The following ATP10A variants were observed in gnomAD, a reference collection of about 807,000 sequenced individuals.
ATP10A encodes the protein ATPase phospholipid transporting 10A (putative).
Under a neutral mutation model 147.8 loss-of-function variants are expected in ATP10A, and 111 were observed. That is an observed-to-expected ratio of 0.75 (90% CI 0.64 to 0.88). The LOEUF (loss-of-function observed/expected upper bound fraction) is 0.88. ATP10A is among the 40% of genes least tolerant of loss of function. The probability of loss-of-function intolerance (pLI) is 0.00; values close to 1 mark genes in which losing one functional copy is unlikely to be tolerated. For synonymous variants in ATP10A, 875 were observed against 841.6 expected, an observed-to-expected ratio of 1.04 and a Z score of -0.69; for missense variants, 1,927 against 1,959.0, an observed-to-expected ratio of 0.98 and a Z score of 0.31.
intron 1 of ATP10A, among the ~76,000 whole-genome samples, chr15:25,803,267 T>G (rs1040799769): frequency 3.9e-5 from 6 of 152,202 alleles, no homozygotes; most frequent in Non-Finnish European, 7.3e-5. Flanking sequence ...GAATGATGCT[T>G]CGCCCACTGG....
chr15:25,725,643 T>A (rs1369833553), intron 5 of ATP10A, among the ~76,000 whole-genome samples: 1 of 151,788 alleles, frequency 6.6e-6, no homozygotes, highest in African/African-American at 2.4e-5. Flanking sequence ...TCTTTCTTTT[T>A]TTTTTTTTGG....
At chr15:25,705,122 T>C (rs1376166910) in intron 12 of ATP10A, among the ~76,000 whole-genome samples, 1 of 152,138 alleles carries the variant, frequency 6.6e-6, no homozygotes, top group Non-Finnish European at 1.5e-5. Flanking sequence ...AAGATAGTTA[T>C]GTATGGTTCT....
chr15:25,710,540 A>C (rs1596730837), intron 10 of ATP10A: 1 of 152,122 alleles, frequency 6.6e-6, no homozygotes, highest in African/African-American at 2.4e-5. Context: ...CAGAGGGATG[A>C]GGGTAGCCTC....
At chr15:25,855,281 C>T (rs775168133) in intron 1 of ATP10A, among the ~76,000 whole-genome samples, 18 of 152,000 alleles carry the variant, frequency 1.2e-4, no homozygotes, top group Non-Finnish European at 2.2e-4. Flanking sequence ...GATTGTACAC[C>T]ATGACCAAGT....
intron 2 of ATP10A, among the ~76,000 whole-genome samples, chr15:25,738,066 G>C (rs1313482854): frequency 6.6e-6 from 1 of 152,126 alleles, no homozygotes; most frequent in East Asian, 1.9e-4. Flanking sequence ...CATTTAAAAA[G>C]CATTTCATAT....
intron 1 of ATP10A, among the ~76,000 whole-genome samples, chr15:25,808,050 T>A (rs1891274603): frequency 6.6e-6 from 1 of 152,240 alleles, no homozygotes; most frequent in African/African-American, 2.4e-5. Context: ...CACGTATCAC[T>A]GGCTGATAGA....
intron 1 of ATP10A, among the ~76,000 whole-genome samples, chr15:25,787,680 A>G (rs1435063373): frequency 6.6e-6 from 1 of 152,090 alleles, no homozygotes; most frequent in Non-Finnish European, 1.5e-5. Context: ...AAAGGCAGAC[A>G]GTTCCAGATT....
intron 1 of ATP10A, among the ~76,000 whole-genome samples, chr15:25,859,190 TC>T (rs1893647239): frequency 6.6e-6 from 1 of 152,134 alleles, no homozygotes; most frequent in Non-Finnish European, 1.5e-5. Flanking sequence ...CCTCTCCTCC[TC>T]CAGCCCTGCC....
At chr15:25,852,712 G>A (rs1288695703) in intron 1 of ATP10A, among the ~76,000 whole-genome samples, 1 of 152,154 alleles carries the variant, frequency 6.6e-6, no homozygotes, top group African/African-American at 2.4e-5. Context: ...CTGTTATGCA[G>A]GCCTCAAAGA....
chr15:25,785,689 A>C (rs1182904103), intron 1 of ATP10A, among the ~76,000 whole-genome samples: 1 of 152,156 alleles, frequency 6.6e-6, no homozygotes, highest in Non-Finnish European at 1.5e-5. Context: ...CAACACTCTT[A>C]ATACCAGCCA....
chr15:25,723,138 C>T (rs1383514498), intron 6 of ATP10A, among the ~76,000 whole-genome samples: 1 of 152,044 alleles, frequency 6.6e-6, no homozygotes, highest in African/African-American at 2.4e-5. Flanking sequence ...CACTTGAGGT[C>T]AGGAGTTCAA....
intron 1 of ATP10A, among the ~76,000 whole-genome samples, chr15:25,855,721 A>G (rs1309420452): frequency 6.6e-6 from 1 of 152,210 alleles, no homozygotes; most frequent in African/African-American, 2.4e-5. Flanking sequence ...CAAGAAAAAG[A>G]AATGTAAGGT....
intron 1 of ATP10A, among the ~76,000 whole-genome samples, chr15:25,816,977 A>G (rs2140834660): frequency 1.6e-5 from 1 of 63,450 alleles, no homozygotes. Context: ...AATGTGTAGG[A>G]AAAAAAAATC....
downstream of ATP10A, among the ~76,000 whole-genome samples, chr15:25,676,154 CA>C (rs1346480722): frequency 1.3e-5 from 2 of 152,192 alleles, no homozygotes; most frequent in African/African-American, 4.8e-5. Context: ...CAGGTCCAAA[CA>C]GGTGCATTTT....
intron 7 of ATP10A, 115 bp downstream of exon 7, chr15:25,721,542 G>T: frequency 9.8e-7 from 1 of 1,021,130 alleles, no homozygotes; most frequent in Non-Finnish European, 1.4e-6. Context: ...AATCCCTGAA[G>T]CGTGTGTGTG....
At chr15:25,715,987 G>A (rs987181215) in intron 9 of ATP10A, among the ~76,000 whole-genome samples, 3 of 152,210 alleles carry the variant, frequency 2.0e-5, no homozygotes, top group African/African-American at 7.2e-5. Context: ...GGTGATAGAG[G>A]AGCTTTCACA....
intron 1 of ATP10A, among the ~76,000 whole-genome samples, chr15:25,805,928 A>G (rs374231984): frequency 2.6e-5 from 4 of 152,250 alleles, no homozygotes; most frequent in African/African-American, 7.2e-5. Flanking sequence ...TACCTTAATG[A>G]TTATAAGCAG....
At chr15:25,767,320 G>GT (rs1233832384) in intron 2 of ATP10A, among the ~76,000 whole-genome samples, 1 of 152,210 alleles carries the variant, frequency 6.6e-6, no homozygotes, top group Non-Finnish European at 1.5e-5. Flanking sequence ...CAAGGCTGCT[G>GT]TCACCAGGAA....
At chr15:25,717,435 G>A (rs1596745861) in intron 8 of ATP10A, among the ~76,000 whole-genome samples, 1 of 152,128 alleles carries the variant, frequency 6.6e-6, no homozygotes, top group African/African-American at 2.4e-5. Flanking sequence ...ATTGCTAGAC[G>A]AGAAAGTTTG....
Sources: gnomAD v4.1 joint callset for allele counts (sites outside exome capture counted in the v4.1 genomes callset) on GRCh38, gnomAD v4.1.1 for gene constraint, MANE v1.5 for transcripts, NCBI Gene and HGNC (gene_info 2026-07-23, HGNC 2026-07-21) for gene names.